SOX5: variants seen among roughly 807,000 people sequenced by gnomAD.
The protein encoded by SOX5 is SRY-box transcription factor 5.
Under a neutral mutation model 92.0 loss-of-function variants are expected in SOX5, and 9 were observed. The observed-to-expected ratio is 0.10, with a 90% CI of 0.06 to 0.17. SOX5 has a LOEUF of 0.17. Among genes scored for constraint, SOX5 ranks in the 10% least tolerant of loss-of-function variants. The pLI is 1.00. For synonymous variants in SOX5, 344 were observed against 336.3 expected (o/e 1.02, Z -0.25); for missense variants, 642 against 944.5 (o/e 0.68, Z 4.20).
chr12:23,567,790 T>G (rs913123239), intron 10 of SOX5, among the ~76,000 whole-genome samples: 1 of 152,130 alleles, frequency 6.6e-6, no homozygotes, highest in African/African-American at 2.4e-5. Context: ...GTGTTTCTTC[T>G]TAACCATTAC....
chr12:24,280,543 C>T (rs1173737384), intron 2 of SOX5, among the ~76,000 whole-genome samples: 1 of 152,008 alleles, frequency 6.6e-6, no homozygotes, highest in Non-Finnish European at 1.5e-5. Flanking sequence ...GATAAAAATT[C>T]CTAAGAGGCA....
chr12:24,410,199 T>C (rs1354665833), intron 1 of SOX5, among the ~76,000 whole-genome samples: 2 of 152,140 alleles, frequency 1.3e-5, no homozygotes, highest in East Asian at 1.9e-4. Flanking sequence ...AGTTTTGCCA[T>C]GTTGACCAGG....
intron 1 of SOX5, among the ~76,000 whole-genome samples, chr12:23,917,481 A>G (rs1382833350): frequency 6.6e-6 from 1 of 152,190 alleles, no homozygotes; most frequent in Non-Finnish European, 1.5e-5. Context: ...TGAGCCGGGG[A>G]GGCAGAGGTT....
intron 1 of SOX5, among the ~76,000 whole-genome samples, chr12:24,467,367 T>C (rs1036722618): frequency 6.6e-5 from 10 of 152,184 alleles, no homozygotes; most frequent in Non-Finnish European, 7.3e-5. Flanking sequence ...CAGTGCACGT[T>C]ACAATGGAGC....
chr12:24,195,580 C>T (rs1956933780), intron 4 of SOX5, among the ~76,000 whole-genome samples: 1 of 152,074 alleles, frequency 6.6e-6, no homozygotes, highest in African/African-American at 2.4e-5. Context: ...ATATATCTGC[C>T]TAACTAGAAT....
Position 23,604,528 on chromosome 12 carries a change from T to A in SOX5, c.1023A>T (p.Leu341Phe), listed in dbSNP as rs1041723482. The change falls in exon 9 of 15, where the codon TTA becomes TTT. Residue 341 changes from leucine to phenylalanine, a missense_variant. By Grantham distance (22) the Leu-to-Phe change is conservative. This residue lies in a region of SOX5 where 324 missense variants were observed against 461.6 expected (regional missense o/e 0.70). Transcript: ENST00000451604. ...GCATTGCAGCTAGCTGGGCAGCATATAACTGCTACAGAAGAAAAAGAGAGA... is the reference window on the plus strand; with the variant it reads ...GCATTGCAGCTAGCTGGGCAGCATAAAACTGCTACAGAAGAAAAAGAGAGA... The part of the protein sequence containing the change: ...PGLGPLQLQQ[L>F]YAAQLAAMQV... 1.2e-6 allele frequency: 2 copies of A among 1,613,328 alleles called. No individual in the cohort carries two copies. The highest frequency in any genetic ancestry group is 1.7e-6 in the Non-Finnish European group (2 of 1,179,688).
intron 11 of SOX5, among the ~76,000 whole-genome samples, chr12:23,555,427 T>C (rs979013456): frequency 6.6e-6 from 1 of 151,992 alleles, no homozygotes; most frequent in Non-Finnish European, 1.5e-5. Context: ...GACTCTCTGT[T>C]TGAAAACATG....
chr12:24,130,391 T>C (rs1011041399), intron 4 of SOX5, among the ~76,000 whole-genome samples: 2 of 152,208 alleles, frequency 1.3e-5, no homozygotes, highest in Admixed American at 1.3e-4. Context: ...ACAATCTGCT[T>C]ATAGGTATAA....
intron 1 of SOX5, among the ~76,000 whole-genome samples, chr12:24,518,171 T>C (rs983195028): frequency 2.0e-5 from 3 of 151,898 alleles, no homozygotes; most frequent in Non-Finnish European, 2.9e-5. Flanking sequence ...CAGCTTCCAG[T>C]GTTTCTCATG....
At chr12:24,150,661 G>C (rs1431738265) in intron 4 of SOX5, among the ~76,000 whole-genome samples, 1 of 152,004 alleles carries the variant, frequency 6.6e-6, no homozygotes, top group South Asian at 2.1e-4. Context: ...AGGGTAGCTA[G>C]AAAGATAAAG....
intron 3 of SOX5, among the ~76,000 whole-genome samples, chr12:24,262,124 A>G (rs1942190305): frequency 6.6e-6 from 1 of 152,212 alleles, no homozygotes; most frequent in Non-Finnish European, 1.5e-5. Flanking sequence ...ATAACATGTA[A>G]GAGGAGTCAG....
At chr12:23,990,411 A>G (rs976061125) in intron 4 of SOX5, among the ~76,000 whole-genome samples, 9 of 152,110 alleles carry the variant, frequency 5.9e-5, no homozygotes, top group African/African-American at 1.9e-4. Context: ...GTTTCTCACC[A>G]TATTTCCCAT....
At chr12:24,204,368 G>A (rs12307119) in intron 4 of SOX5, among the ~76,000 whole-genome samples, 2,219 of 151,350 alleles carry the variant, frequency 0.015, 52 homozygotes, top group African/African-American at 0.05. Flanking sequence ...CCACTCTGTC[G>A]CCCAGGCTGG....
At chr12:24,055,409 G>A (rs1957995581) in intron 4 of SOX5, among the ~76,000 whole-genome samples, 1 of 152,198 alleles carries the variant, frequency 6.6e-6, no homozygotes. Context: ...CAAAAAAGAA[G>A]TCAATGTCAT....
At chr12:24,283,521 G>C (rs868346717) in intron 2 of SOX5, among the ~76,000 whole-genome samples, 19 of 152,124 alleles carry the variant, frequency 1.2e-4, no homozygotes, top group Admixed American at 4.6e-4. Context: ...AACCATACCT[G>C]GTAGTCCTTG....
intron 2 of SOX5, among the ~76,000 whole-genome samples, chr12:24,279,452 C>G (rs962629126): frequency 1.3e-5 from 2 of 152,070 alleles, no homozygotes; most frequent in Admixed American, 1.3e-4. Context: ...GTTGTAAAAA[C>G]CAATAATTTT....
In SOX5 at chr12:24,374,518, C is replaced by T. The variant is rs9669321; in HGVS notation, c.-250-5879G>A. On this transcript the variant is annotated intron_variant, in intron 1 of 4. Coordinates refer to the SOX5 transcript ENST00000446891. ...AGACCACCACACACACACACACATACACACACACACACACACACATGCATG... is the reference window on the plus strand; with the variant it reads ...AGACCACCACACACACACACACATATACACACACACACACACACATGCATG... 2.8e-3 allele frequency among the ~76,000 whole-genome samples: 316 copies of T among 111,974 alleles called. 2 individuals carry two copies. Among genetic ancestry groups the T allele is most frequent in the African/African-American group, 0.011 (282 of 26,364 alleles). 73.5% of individuals were successfully genotyped at this position (111,974 alleles called of 152,430 possible). A position where few individuals can be genotyped will look rare whatever the true frequency, so the allele number is the denominator to read the frequency against.
chr12:23,903,974 CA>C (rs1452545944), intron 1 of SOX5, among the ~76,000 whole-genome samples: 1 of 152,152 alleles, frequency 6.6e-6, no homozygotes, highest in East Asian at 1.9e-4. Context: ...CAGAATTACA[CA>C]AACTTAGCAT....
At chr12:23,897,958 T>C (rs1370626823) in intron 1 of SOX5, among the ~76,000 whole-genome samples, 1 of 152,142 alleles carries the variant, frequency 6.6e-6, no homozygotes, top group Admixed American at 6.5e-5. Context: ...ACTCTAAGTA[T>C]GGAGAAGCAT....
Sources: allele counts gnomAD v4.1 joint callset (sites outside exome capture counted in the v4.1 genomes callset), GRCh38; gene constraint gnomAD v4.1.1; regional missense constraint gnomAD v4.1.1; transcripts MANE v1.5; gene names NCBI Gene and HGNC (gene_info 2026-07-23, HGNC 2026-07-21).